Variants in MMUT observed in about 807,000 individuals in gnomAD.
MMUT encodes the protein methylmalonyl-CoA mutase, mitochondrial.
In MMUT, 79 loss-of-function variants were observed where a neutral mutation model predicts 79.9. The observed-to-expected ratio is 0.99, with a 90% CI of 0.82 to 1.19. MMUT has a LOEUF of 1.19. Ranked by LOEUF, MMUT falls within the 50% of genes most tolerant of loss-of-function variation. MMUT has a pLI of 0.00. For synonymous variants in MMUT, 273 were observed against 295.7 expected (o/e 0.92, Z 0.79); for missense variants, 860 against 917.2 (o/e 0.94, Z 0.81).
intron 8 of MMUT, among the ~76,000 whole-genome samples, chr6:49,445,863 G>T (rs1331054918): frequency 1.3e-5 from 2 of 151,804 alleles, no homozygotes; most frequent in Admixed American, 1.3e-4. Flanking sequence ...CCATAAAAAT[G>T]CCCATTTTTC....
In MMUT at chr6:49,452,364, G is replaced by A. The variant is rs535113474; in HGVS notation, c.1084-650C>T. On this transcript the variant is annotated intron_variant, in intron 5 of 12. Transcript: ENST00000274813. ...TTTATTTATTTTGAGACGGAGTCTC[G>A]CTCTGTTGCCCAGGCTGGAGTGCAG... 1.1e-4 allele frequency among the ~76,000 whole-genome samples: 16 copies of A among 151,624 alleles called. No individual in the cohort carries two copies. In the South Asian group the frequency reaches 1.3e-3, roughly 12 times the overall value.
At chr6:49,460,046 T>G (rs899416462) in intron 1 of MMUT, among the ~76,000 whole-genome samples, 3 of 152,224 alleles carry the variant, frequency 2.0e-5, no homozygotes, top group African/African-American at 7.2e-5. Context: ...TTTATGCATT[T>G]TGTGCACTAG....
chr6:49,462,109 T>G (rs988476419), intron 1 of MMUT, among the ~76,000 whole-genome samples: 6 of 152,156 alleles, frequency 3.9e-5, no homozygotes, highest in African/African-American at 1.4e-4. Context: ...AGACACCATT[T>G]TTAGATAAAA....
intron 4 of MMUT, among the ~76,000 whole-genome samples, chr6:49,455,816 G>A (rs1767670980): frequency 6.6e-6 from 1 of 152,116 alleles, no homozygotes; most frequent in Admixed American, 6.5e-5. Context: ...ACATTTTAAT[G>A]TAATTTGTTA....
At chr6:49,431,997 C>T in intron 12 of MMUT, 141 bp from the exon 13 acceptor site, 1 of 942,782 alleles carries the variant, frequency 1.1e-6, no homozygotes, top group East Asian at 2.7e-5. Flanking sequence ...CTAAAAAATT[C>T]TTCCTTGATT....
rs1766945507 is a variant in MMUT at position 49,430,395 on chromosome 6, C to G, written c.*1333G>C. 6.6e-6 allele frequency: 1 copy of G among 152,084 alleles called. No individual in the cohort carries two copies. Among genetic ancestry groups the G allele is most frequent in the South Asian group, 2.1e-4 (1 of 4,822 alleles). 9.4% of individuals were successfully genotyped at this position (152,084 alleles called of 1,614,324 possible). A position where few individuals can be genotyped will look rare whatever the true frequency, so the allele number is the denominator to read the frequency against. On this transcript the variant is annotated 3_prime_UTR_variant, in exon 13 of 13. Coordinates refer to ENST00000274813, the MANE Select transcript of MMUT (RefSeq NM_000255.4). Reference sequence around the variant, plus strand: ...AAGGATGAGTTTATTTCACATGTCACCCAGCACGCAACTGAACACATCACA... The same window carrying G: ...AAGGATGAGTTTATTTCACATGTCAGCCAGCACGCAACTGAACACATCACA...
intron 8 of MMUT, 72 bp downstream of exon 8, chr6:49,447,598 G>C: frequency 1.2e-6 from 1 of 844,156 alleles, no homozygotes; most frequent in South Asian, 1.4e-5. Context: ...AAGCAGGACA[G>C]TTTAAAAGCT....
chr6:49,459,266 G>C lies in MMUT; in HGVS notation c.201C>G (p.Ile67Met). The C allele has an allele frequency of 6.2e-7, 1 of 1,614,172 alleles. No individual in the cohort carries two copies. Among genetic ancestry groups the C allele is most frequent in the Non-Finnish European group, 8.5e-7 (1 of 1,180,032 alleles). ...EDLIWHTPEG[I>M]SIKPLYSKRD... ...TCTTGGAATACAAGGGTTTTATAGAGATCCCTTCCGGGGTGTGCCATATTA... is the reference window on the plus strand; with the variant it reads ...TCTTGGAATACAAGGGTTTTATAGACATCCCTTCCGGGGTGTGCCATATTA... The change falls in exon 2 of 13, where the codon ATC (isoleucine) becomes ATG (methionine). Residue 67 changes from isoleucine to methionine, a missense_variant. Ile to Met is a conservative substitution (Grantham distance 10). Coordinates refer to ENST00000274813, the MANE Select transcript of MMUT (RefSeq NM_000255.4).
At chr6:49,460,354 A>G (rs1460558210) in intron 1 of MMUT, among the ~76,000 whole-genome samples, 1 of 152,204 alleles carries the variant, frequency 6.6e-6, no homozygotes. Context: ...GCCTGTTTCA[A>G]AGTCCTTGCA....
intron 12 of MMUT, among the ~76,000 whole-genome samples, chr6:49,434,624 C>G (rs531718882): frequency 7.9e-5 from 12 of 152,102 alleles, no homozygotes; most frequent in Admixed American, 1.3e-4. Flanking sequence ...TAATTGAGAA[C>G]TGGATTGGAA....
intron 6 of MMUT, among the ~76,000 whole-genome samples, chr6:49,451,265 T>C (rs1321358432): frequency 2.0e-5 from 3 of 152,182 alleles, no homozygotes; most frequent in African/African-American, 4.8e-5. Flanking sequence ...TAGAAATGTA[T>C]TTTTAAATGG....
intron 2 of MMUT, among the ~76,000 whole-genome samples, 198 bp downstream of exon 2, chr6:49,458,884 C>A (rs1241262038): frequency 6.6e-6 from 1 of 152,124 alleles, no homozygotes. Flanking sequence ...TGTTTTCTTT[C>A]AAAAATTTAG....
intron 6 of MMUT, 52 bp from the exon 7 acceptor site, chr6:49,448,979 A>C: frequency 1.7e-6 from 2 of 1,183,498 alleles, no homozygotes; most frequent in South Asian, 1.2e-5. Flanking sequence ...AAATGTGTGT[A>C]AACTATATAA....
At chr6:49,446,218 C>T (rs1202517312) in intron 8 of MMUT, among the ~76,000 whole-genome samples, 6 of 151,814 alleles carry the variant, frequency 4.0e-5, no homozygotes, top group East Asian at 3.9e-4. Flanking sequence ...AGATAGTTCA[C>T]ATTTTTAAAA....
rs139265503 is a variant in MMUT at position 49,431,890 on chromosome 6, A to T, written c.2125-34T>A. 194 of 1,604,874 alleles carry T rather than the reference A, an allele frequency of 1.2e-4. No individual in the cohort carries two copies. In the East Asian group the frequency reaches 3.5e-3, roughly 29 times the overall value. On this transcript the variant is annotated intron_variant, in intron 12 of 12. Transcript: ENST00000274813. Reference sequence around the variant, plus strand: ...AGAATGTGTTTAATTAATAAGAGCCACTATTTCCATTTTCACGGAAATAAA... The same window carrying T: ...AGAATGTGTTTAATTAATAAGAGCCTCTATTTCCATTTTCACGGAAATAAA...
intron 8 of MMUT, among the ~76,000 whole-genome samples, chr6:49,445,724 T>G (rs1340872765): frequency 6.6e-6 from 1 of 152,086 alleles, no homozygotes; most frequent in East Asian, 1.9e-4. Flanking sequence ...ACATATTCAG[T>G]ACAGACATAT....
In MMUT at chr6:49,453,676, T is replaced by C. The variant is rs778915543; in HGVS notation, c.992A>G (p.His331Arg). 9.3e-6 allele frequency: 15 copies of C among 1,613,130 alleles called. No individual in the cohort carries two copies. The highest frequency in any genetic ancestry group is 2.7e-5 in the African/African-American group (2 of 74,896). ...AGGCTGAAACATTTTCTCTATTAAGTGAGCCCAGAGTCTTCTACCAGCTCT... is the reference window on the plus strand; with the variant it reads ...AGGCTGAAACATTTTCTCTATTAAGCGAGCCCAGAGTCTTCTACCAGCTCT... ...KMRAGRRLWA[H>R]LIEKMFQPKN... Residue 331 changes from histidine (H) to arginine (R), a missense_variant, in exon 5 of 13, where the codon CAC becomes CGC. His to Arg is a conservative substitution (Grantham distance 29, BLOSUM62 0). Coordinates refer to ENST00000274813, the MANE Select transcript of MMUT (RefSeq NM_000255.4).
chr6:49,434,855 A>G lies in MMUT; in HGVS notation c.2124+601T>C, dbSNP rs145332097. 1.8e-4 allele frequency among the ~76,000 whole-genome samples: 28 copies of G among 152,280 alleles called. No homozygotes were observed. The East Asian group carries it at 5.0e-3, about 27-fold the overall frequency. ...TGATTCCATTTATGTCTGCAATAGG[A>G]TATTTTTGGCTCCCGAAATACCAAG... On this transcript the variant is annotated intron_variant, in intron 12 of 12. Transcript: ENST00000274813.
chr6:49,456,381 A>T (rs961702220), intron 3 of MMUT, 144 bp from the exon 4 acceptor site: 1 of 681,672 alleles, frequency 1.5e-6, no homozygotes, highest in African/African-American at 1.8e-5. Flanking sequence ...CAAAATATTT[A>T]ATGCTTATTT....
Sources: allele counts gnomAD v4.1 joint callset (sites outside exome capture counted in the v4.1 genomes callset), GRCh38; gene constraint gnomAD v4.1.1; transcripts MANE v1.5; gene names NCBI Gene and HGNC (gene_info 2026-07-23, HGNC 2026-07-21).